The following TAFA4 variants were observed in gnomAD, a reference collection of about 807,000 sequenced individuals.
TAFA4 encodes the protein TAFA chemokine like family member 4.
Under a neutral mutation model 21.1 loss-of-function variants are expected in TAFA4, and 20 were observed. The ratio of observed to expected loss-of-function variants is 0.95; its 90% CI spans 0.67 to 1.38. TAFA4 has a LOEUF of 1.38. Ranked by LOEUF, TAFA4 falls within the 40% of genes most tolerant of loss-of-function variation. The pLI is 0.00. For synonymous variants in TAFA4, 71 were observed against 67.4 expected, an observed-to-expected ratio of 1.05 and a Z score of -0.26; for missense variants, 211 against 180.9, an observed-to-expected ratio of 1.17 and a Z score of -0.95.
chr3:68,884,877 C>A (rs9868343), intron 2 of TAFA4, among the ~76,000 whole-genome samples: 43,398 of 152,074 alleles, frequency 0.29, 7,589 homozygotes, highest in Middle Eastern at 0.4. Context: ...ACAACCATTC[C>A]CCCAGAGAAA....
At chr3:68,734,816 GGTGGCTATT>G (rs2106720164) in intron 5 of TAFA4, among the ~76,000 whole-genome samples, 1 of 152,234 alleles carries the variant, frequency 6.6e-6, no homozygotes, top group South Asian at 2.1e-4. Flanking sequence ...CTCAGGGAAT[GGTGGCTATT>G]GTGATGTTAG....
At chr3:68,930,880 A>C (rs1374218315) in intron 1 of TAFA4, among the ~76,000 whole-genome samples, 2 of 152,212 alleles carry the variant, frequency 1.3e-5, no homozygotes, top group East Asian at 3.8e-4. Context: ...GGTAACACTA[A>C]TTATATTGCA....
At chr3:68,789,894 T>C (rs1256615073) in intron 3 of TAFA4, among the ~76,000 whole-genome samples, 1 of 152,174 alleles carries the variant, frequency 6.6e-6, no homozygotes, top group Non-Finnish European at 1.5e-5. Context: ...TATAATTCAC[T>C]GGCAATAGAC....
chr3:68,790,506 G>T (rs552369378), intron 3 of TAFA4, among the ~76,000 whole-genome samples: 6 of 152,168 alleles, frequency 3.9e-5, no homozygotes, highest in African/African-American at 1.4e-4. Context: ...GATAAAGTGA[G>T]AATACTCATA....
At chr3:68,884,260 T>C (rs539309438) in intron 2 of TAFA4, among the ~76,000 whole-genome samples, 18 of 152,296 alleles carry the variant, frequency 1.2e-4, no homozygotes, top group Admixed American at 3.9e-4. Flanking sequence ...AGCTGGTTAC[T>C]GGCTGGGTTC....
At chr3:68,772,948 T>C (rs1481462911) in intron 3 of TAFA4, among the ~76,000 whole-genome samples, 2 of 152,206 alleles carry the variant, frequency 1.3e-5, no homozygotes, top group East Asian at 3.8e-4. Flanking sequence ...TTTAAAACAA[T>C]AATTCCTTCT....
intron 3 of TAFA4, among the ~76,000 whole-genome samples, chr3:68,757,006 G>A (rs1011120144): frequency 3.3e-5 from 5 of 152,134 alleles, no homozygotes; most frequent in African/African-American, 1.2e-4. Flanking sequence ...GACTAGCCAT[G>A]AGCAGGGGCC....
chr3:68,879,590 AG>A (rs2089593005), intron 3 of TAFA4, among the ~76,000 whole-genome samples: 1 of 152,242 alleles, frequency 6.6e-6, no homozygotes, highest in Admixed American at 6.5e-5. Flanking sequence ...ACTTCACAGC[AG>A]CCAAATGGTA....
At chr3:68,798,209 T>A (rs1703494146) in intron 3 of TAFA4, among the ~76,000 whole-genome samples, 1 of 152,306 alleles carries the variant, frequency 6.6e-6, no homozygotes. Flanking sequence ...AATGGAGATA[T>A]GCTGAAGTCA....
chr3:68,757,567 T>C (rs1183359882), intron 3 of TAFA4, among the ~76,000 whole-genome samples: 2 of 152,190 alleles, frequency 1.3e-5, no homozygotes, highest in Non-Finnish European at 2.9e-5. Context: ...AGTCAAGAAA[T>C]GATCTGGATG....
At chr3:68,779,224 G>A (rs1575605096) in intron 3 of TAFA4, among the ~76,000 whole-genome samples, 1 of 152,154 alleles carries the variant, frequency 6.6e-6, no homozygotes, top group Non-Finnish European at 1.5e-5. Context: ...GAGGTGACTT[G>A]GGTGTTCTTA....
intron 4 of TAFA4, among the ~76,000 whole-genome samples, chr3:68,744,774 A>G (rs1322775907): frequency 6.6e-6 from 1 of 152,200 alleles, no homozygotes; most frequent in Non-Finnish European, 1.5e-5. Context: ...TAAAAAATTT[A>G]AAAAGGAAAC....
intron 1 of TAFA4, among the ~76,000 whole-genome samples, chr3:68,892,312 C>T (rs1454376013): frequency 6.6e-6 from 1 of 152,114 alleles, no homozygotes; most frequent in Non-Finnish European, 1.5e-5. Flanking sequence ...GTAAATGAGC[C>T]ATTAAAGACA....
chr3:68,784,236 T>C (rs1051836760), intron 3 of TAFA4, among the ~76,000 whole-genome samples: 1 of 152,214 alleles, frequency 6.6e-6, no homozygotes, highest in Non-Finnish European at 1.5e-5. Flanking sequence ...ACTTTTGATG[T>C]AAATGGCTAT....
chr3:68,800,057 T>C (rs763783816), intron 3 of TAFA4, among the ~76,000 whole-genome samples: 8 of 152,158 alleles, frequency 5.3e-5, no homozygotes, highest in East Asian at 3.9e-4. Context: ...ATGGGACTAA[T>C]TGCAGGAAGA....
chr3:68,819,432 T>A (rs1166085629), intron 3 of TAFA4, among the ~76,000 whole-genome samples: 2 of 152,188 alleles, frequency 1.3e-5, no homozygotes, highest in African/African-American at 2.4e-5. Flanking sequence ...CTCCTTATCT[T>A]GTTTCTAATC....
chr3:68,778,648 C>G (rs1177784629), intron 3 of TAFA4, among the ~76,000 whole-genome samples: 1 of 152,218 alleles, frequency 6.6e-6, no homozygotes, highest in Admixed American at 6.5e-5. Flanking sequence ...CTCTCTCATT[C>G]TCTCTTTGCC....
At chr3:68,898,670 G>A (rs1287735355) in intron 1 of TAFA4, among the ~76,000 whole-genome samples, 1 of 152,108 alleles carries the variant, frequency 6.6e-6, no homozygotes, top group Non-Finnish European at 1.5e-5. Flanking sequence ...TAATAATTTA[G>A]CAGATGTGTA....
chr3:68,862,768 C>T (rs975900284), intron 3 of TAFA4, among the ~76,000 whole-genome samples: 2 of 151,882 alleles, frequency 1.3e-5, no homozygotes, highest in African/African-American at 4.8e-5. Context: ...ACATCTATCT[C>T]AGTGCTACTA....
Sources: allele counts gnomAD v4.1 joint callset (sites outside exome capture counted in the v4.1 genomes callset), GRCh38; gene constraint gnomAD v4.1.1; transcripts MANE v1.5; gene names NCBI Gene and HGNC (gene_info 2026-07-23, HGNC 2026-07-21).